The following GRAMD2B variants were observed in gnomAD, a reference collection of about 807,000 sequenced individuals.
The protein encoded by GRAMD2B is GRAM domain containing 2B.
In GRAMD2B, 41 loss-of-function variants were observed where a neutral mutation model predicts 59.2. That is an observed-to-expected ratio of 0.69 (90% CI 0.54 to 0.90). The LOEUF is 0.90. Among genes scored for constraint, GRAMD2B ranks in the 40% least tolerant of loss-of-function variants. The probability of loss-of-function intolerance (pLI) is 0.00; values close to 1 mark genes in which losing one functional copy is unlikely to be tolerated. For missense variants in GRAMD2B, 424 were observed against 500.5 expected (o/e 0.85, Z 1.46); for synonymous variants, 161 against 182.7 (o/e 0.88, Z 0.96).
chr5:126,446,433 C>A (rs11950710), intron 1 of GRAMD2B, among the ~76,000 whole-genome samples: 4,364 of 152,010 alleles, frequency 0.029, 180 homozygotes, highest in African/African-American at 0.095. Flanking sequence ...TAAGTGGATA[C>A]CCTTATTTAC....
chr5:126,416,104 CT>C (rs1239266800), intron 1 of GRAMD2B, among the ~76,000 whole-genome samples: 1 of 152,152 alleles, frequency 6.6e-6, no homozygotes, highest in Non-Finnish European at 1.5e-5. Context: ...ATGAATGTTT[CT>C]CTGAGAAAAT....
At chr5:126,491,694 G>C (rs1022157991) in intron 13 of GRAMD2B, among the ~76,000 whole-genome samples, 3 of 152,048 alleles carry the variant, frequency 2.0e-5, no homozygotes, top group Non-Finnish European at 4.4e-5. Context: ...CACAGGGCTG[G>C]TTGTTGAGAA....
At chr5:126,412,639 AGAGTCCTTT>A (rs954163181) in intron 1 of GRAMD2B, among the ~76,000 whole-genome samples, 3 of 151,988 alleles carry the variant, frequency 2.0e-5, no homozygotes, top group Admixed American at 2.0e-4. Context: ...GAGTTAGAGA[AGAGTCCTTT>A]CTCCTCAATT....
intron 8 of GRAMD2B, among the ~76,000 whole-genome samples, chr5:126,481,312 C>T (rs1341567654): frequency 6.6e-6 from 1 of 151,642 alleles, no homozygotes; most frequent in East Asian, 1.9e-4. Flanking sequence ...TTCCCTTAGA[C>T]TTTGTAAACC....
At chr5:126,412,217 C>G (rs887746308) in intron 1 of GRAMD2B, among the ~76,000 whole-genome samples, 1 of 151,980 alleles carries the variant, frequency 6.6e-6, no homozygotes, top group Non-Finnish European at 1.5e-5. Context: ...TCAGTTTTTG[C>G]CTGTTCAATC....
chr5:126,439,306 G>T (rs954675611), intron 1 of GRAMD2B, among the ~76,000 whole-genome samples: 6 of 141,920 alleles, frequency 4.2e-5, no homozygotes, highest in Non-Finnish European at 7.6e-5. Flanking sequence ...AAAATTGATT[G>T]TTTCTTTGTT....
At chr5:126,397,295 G>A (rs932599261) in intron 1 of GRAMD2B, among the ~76,000 whole-genome samples, 1 of 152,070 alleles carries the variant, frequency 6.6e-6, no homozygotes, top group Admixed American at 6.6e-5. Context: ...TGTGATCTTG[G>A]CTCACTGCAA....
chr5:126,406,172 C>G (rs140183305), intron 1 of GRAMD2B, among the ~76,000 whole-genome samples: 2,789 of 151,872 alleles, frequency 0.018, 35 homozygotes, highest in Non-Finnish European at 0.026. Context: ...ATTTTACTAA[C>G]TCGGAATACA....
chr5:126,390,366 A>G (rs1283996101), intron 1 of GRAMD2B, among the ~76,000 whole-genome samples: 1 of 152,246 alleles, frequency 6.6e-6, no homozygotes, highest in Non-Finnish European at 1.5e-5. Context: ...TTTCCTACTT[A>G]TATCCAACTG....
chr5:126,447,671 G>GAAAAAGAAA (rs1554082307), intron 1 of GRAMD2B, among the ~76,000 whole-genome samples: 3 of 120,172 alleles, frequency 2.5e-5, no homozygotes, highest in African/African-American at 8.7e-5. Context: ...CTCAAAAAAA[G>GAAAAAGAAA]AAAAAAAAAA....
chr5:126,413,192 G>A (rs1758968801), intron 1 of GRAMD2B, among the ~76,000 whole-genome samples: 1 of 151,986 alleles, frequency 6.6e-6, no homozygotes, highest in Non-Finnish European at 1.5e-5. Flanking sequence ...TGGGGGTGAT[G>A]TTAGATCATG....
At chr5:126,403,040 G>C (rs1232480499) in intron 1 of GRAMD2B, among the ~76,000 whole-genome samples, 1 of 151,920 alleles carries the variant, frequency 6.6e-6, no homozygotes, top group Non-Finnish European at 1.5e-5. Flanking sequence ...TATTTTTATA[G>C]AGCCAGGAGT....
intron 1 of GRAMD2B, among the ~76,000 whole-genome samples, chr5:126,386,920 A>G (rs1034792500): frequency 4.6e-5 from 7 of 152,058 alleles, no homozygotes; most frequent in African/African-American, 1.7e-4. Flanking sequence ...TATCCACAAA[A>G]CCTTATGTCA....
intron 1 of GRAMD2B, among the ~76,000 whole-genome samples, chr5:126,410,119 G>A (rs1347238806): frequency 6.6e-6 from 1 of 152,058 alleles, no homozygotes; most frequent in Non-Finnish European, 1.5e-5. Flanking sequence ...AAGTCAGGTA[G>A]CATGATGCCT....
intron 1 of GRAMD2B, among the ~76,000 whole-genome samples, chr5:126,442,293 CT>C (rs11325974): frequency 0.17 from 24,318 of 140,660 alleles, 3,686 homozygotes; most frequent in African/African-American, 0.45. Context: ...TCTTTTTTTT[CT>C]TTTTTTTTTT....
At chr5:126,385,427 A>C (rs1482583680) in intron 1 of GRAMD2B, among the ~76,000 whole-genome samples, 1 of 152,238 alleles carries the variant, frequency 6.6e-6, no homozygotes, top group African/African-American at 2.4e-5. Context: ...ATTTTAGCTT[A>C]ATTTCACATT....
chr5:126,390,144 T>C (rs1438797539), intron 1 of GRAMD2B, among the ~76,000 whole-genome samples: 1 of 152,202 alleles, frequency 6.6e-6, no homozygotes, highest in Non-Finnish European at 1.5e-5. Context: ...CATTTATTAG[T>C]CTACATGCCA....
Position 126,465,443 on chromosome 5 carries a change from G to C in GRAMD2B, c.101G>C (p.Gly34Ala), listed in dbSNP as rs201433528. The change falls in exon 2 of 14, where the codon GGT (glycine) becomes GCT (alanine). Residue 34 changes from glycine (G) to alanine (A), a missense_variant. Physicochemically the swap from Gly to Ala is moderately conservative, Grantham distance 60. Coordinates refer to ENST00000285689, the MANE Select transcript of GRAMD2B (RefSeq NM_023927.4). ...TTCTTCAGCTCAGAGGCTGAGAATG[G>C]TGTGGAGGAGAAAAAGAAAGCCTGC... The part of the protein sequence containing the change: ...LGSAHSEAEN[G>A]VEEKKKACRS... 1.4e-5 allele frequency: 23 copies of C among 1,614,144 alleles called. No homozygotes were observed. The highest frequency in any genetic ancestry group is 1.9e-5 in the Non-Finnish European group (23 of 1,180,014).
chr5:126,490,726 A>G (rs568365597), intron 13 of GRAMD2B, among the ~76,000 whole-genome samples: 2 of 152,300 alleles, frequency 1.3e-5, no homozygotes, highest in Admixed American at 6.5e-5. Context: ...TAGCAGCTCC[A>G]TGCTGTTGAA....
Sources: gnomAD v4.1 joint callset for allele counts (sites outside exome capture counted in the v4.1 genomes callset) on GRCh38, gnomAD v4.1.1 for gene constraint, MANE v1.5 for transcripts, NCBI Gene and HGNC (gene_info 2026-07-23, HGNC 2026-07-21) for gene names.